The following DNAH11 variants were observed in gnomAD, a reference collection of about 807,000 sequenced individuals.
DNAH11 encodes axonemal beta dynein heavy chain 11.
A neutral mutation model predicts 526.0 loss-of-function variants in DNAH11; 442 were observed. That is an observed-to-expected ratio of 0.84 (90% CI 0.78 to 0.91). The LOEUF is 0.91. Ranked by LOEUF, DNAH11 falls within the 40% of genes least tolerant of loss-of-function variation. The pLI is 0.00. For missense variants in DNAH11, 6,989 were observed against 5,448.7 expected (o/e 1.28, Z -8.90); for synonymous variants, 2,461 against 1,935.9 (o/e 1.27, Z -7.12).
In DNAH11 at chr7:21,735,625, T is replaced by C. The variant is rs768531745; in HGVS notation, c.7441-15T>C. 1 of 1,562,516 alleles carries C rather than the reference T, an allele frequency of 6.4e-7. No individual in the cohort carries two copies. The highest frequency in any genetic ancestry group is 8.7e-7 in the Non-Finnish European group (1 of 1,151,856). Reference sequence around the variant, plus strand: ...TCTCTTTCTGATCTTTGTCTCATTCTGTTTCTCCTCCCAGACAGTTCTCGT... The same window carrying C: ...TCTCTTTCTGATCTTTGTCTCATTCCGTTTCTCCTCCCAGACAGTTCTCGT... On this transcript the variant is annotated splice_polypyrimidine_tract_variant and intron_variant, in intron 45 of 81. Coordinates refer to ENST00000409508, the MANE Select transcript of DNAH11 (RefSeq NM_001277115.2).
intron 36 of DNAH11, among the ~76,000 whole-genome samples, chr7:21,699,396 C>T (rs1328368572): frequency 6.6e-6 from 1 of 152,068 alleles, no homozygotes; most frequent in African/African-American, 2.4e-5. Context: ...AAAATTCAGC[C>T]ATATGATCAT....
intron 81 of DNAH11, among the ~76,000 whole-genome samples, chr7:21,900,735 T>C (rs543332203): frequency 1.4e-3 from 185 of 136,110 alleles, no homozygotes; most frequent in African/African-American, 4.4e-3. Flanking sequence ...GTTCAGTGTA[T>C]GTGAATTCTC....
intron 68 of DNAH11, among the ~76,000 whole-genome samples, chr7:21,859,082 G>C (rs546551654): frequency 6.6e-6 from 1 of 152,022 alleles, no homozygotes; most frequent in Non-Finnish European, 1.5e-5. Flanking sequence ...ATGTGTATAA[G>C]GTGTCTATGA....
At chr7:21,615,606 A>G (rs1170970207) in intron 21 of DNAH11, among the ~76,000 whole-genome samples, 1 of 151,956 alleles carries the variant, frequency 6.6e-6, no homozygotes, top group East Asian at 1.9e-4. Context: ...ATACCAACTC[A>G]TACATATTCC....
chr7:21,710,534 C>G lies in DNAH11; in HGVS notation c.6684-19C>G. ...ATCTATCGTAGAAATAAACAGCACT[C>G]AACTACATTATATATTAGGATTGTT... On this transcript the variant is annotated intron_variant, in intron 40 of 81. Coordinates refer to ENST00000409508, the MANE Select transcript of DNAH11 (RefSeq NM_001277115.2). 6.3e-7 allele frequency: 1 copy of G among 1,576,810 alleles called. No homozygotes were observed. The highest frequency in any genetic ancestry group is 8.6e-7 in the Non-Finnish European group (1 of 1,156,324).
At chr7:21,648,566 G>C (rs1389117491) in intron 28 of DNAH11, among the ~76,000 whole-genome samples, 2 of 152,166 alleles carry the variant, frequency 1.3e-5, no homozygotes, top group South Asian at 4.1e-4. Context: ...AGAAGCCACC[G>C]ATCACCAGCA....
chr7:21,620,072 C>G lies in DNAH11; in HGVS notation c.4494C>G (p.His1498Gln). ...AACAACTTTTTGAAACTCTAGAGCA[C>G]AACCAAGTAAGATGGATATTTTTAT... ...SDEQLFETLE[H>Q]NQVQLQTLLQ... Residue 1498 changes from histidine (H) to glutamine (Q), a missense_variant, in exon 25 of 82, where the codon CAC (histidine) becomes CAG (glutamine). His to Gln is a conservative substitution (Grantham distance 24). Transcript: ENST00000409508. The G allele has an allele frequency of 6.3e-7, 1 of 1,582,472 alleles. No individual in the cohort carries two copies. Among genetic ancestry groups the G allele is most frequent in the South Asian group, 1.2e-5 (1 of 83,352 alleles).
chr7:21,807,987 T>C lies in DNAH11; in HGVS notation c.10270T>C (p.Phe3424Leu). 6.3e-7 allele frequency: 1 copy of C among 1,596,702 alleles called. No individual in the cohort carries two copies. Among genetic ancestry groups the C allele is most frequent in the African/African-American group, 1.3e-5 (1 of 74,868 alleles). The change falls in exon 63 of 82, where the codon TTC becomes CTC. Residue 3424 changes from phenylalanine (F) to leucine (L), a missense_variant. Coordinates refer to ENST00000409508, the MANE Select transcript of DNAH11 (RefSeq NM_001277115.2). ...GGCATTTGTGTCTTACGTCGGACCC[T>C]TCACAAGGCAGTATCGCCAGGAGCT... ...TAAFVSYVGPFTRQYRQELVH... is the reference protein window; with the variant it reads ...TAAFVSYVGPLTRQYRQELVH...
chr7:21,659,670 C>T (rs1423773375), intron 30 of DNAH11, among the ~76,000 whole-genome samples: 1 of 151,954 alleles, frequency 6.6e-6, no homozygotes. Context: ...AATCTGAATC[C>T]ATAAATATGA....
chr7:21,772,183 A>G (rs1787465048), intron 55 of DNAH11, among the ~76,000 whole-genome samples: 1 of 152,134 alleles, frequency 6.6e-6, no homozygotes, highest in Non-Finnish European at 1.5e-5. Context: ...ATTTTGCCCC[A>G]TTGAGACAAG....
intron 56 of DNAH11, among the ~76,000 whole-genome samples, chr7:21,776,809 G>T (rs1341568852): frequency 6.6e-6 from 1 of 152,134 alleles, no homozygotes; most frequent in Non-Finnish European, 1.5e-5. Context: ...GCATAGTACA[G>T]ACAGGTCCCT....
At chr7:21,649,406 A>C (rs903957161) in intron 28 of DNAH11, among the ~76,000 whole-genome samples, 1 of 152,170 alleles carries the variant, frequency 6.6e-6, no homozygotes, top group Non-Finnish European at 1.5e-5. Context: ...TAACAGTGGG[A>C]TGGCTAAATA....
chr7:21,767,406 T>G (rs1787227672), intron 55 of DNAH11, among the ~76,000 whole-genome samples: 1 of 152,172 alleles, frequency 6.6e-6, no homozygotes, highest in African/African-American at 2.4e-5. Context: ...CCTGTCCAGG[T>G]GGGTGCCACT....
At chr7:21,734,381 A>G (rs1785514680) in intron 45 of DNAH11, among the ~76,000 whole-genome samples, 1 of 152,226 alleles carries the variant, frequency 6.6e-6, no homozygotes, top group African/African-American at 2.4e-5. Flanking sequence ...AAAGCAAATG[A>G]TGACAACTAG....
At chr7:21,551,868 A>T (rs199628003) in intron 2 of DNAH11, among the ~76,000 whole-genome samples, 2 of 151,938 alleles carry the variant, frequency 1.3e-5, no homozygotes, top group Non-Finnish European at 2.9e-5. Flanking sequence ...TGAGCAAATA[A>T]TTTTTTTAAC....
At chr7:21,564,809 A>G (rs1783596427) in intron 6 of DNAH11, among the ~76,000 whole-genome samples, 1 of 152,108 alleles carries the variant, frequency 6.6e-6, no homozygotes. Flanking sequence ...AAGTAGTAGA[A>G]TTGTATTGAA....
intron 54 of DNAH11, among the ~76,000 whole-genome samples, chr7:21,763,942 G>A (rs1433529769): frequency 1.3e-5 from 2 of 151,800 alleles, no homozygotes; most frequent in East Asian, 3.9e-4. Context: ...GTCACAGAAG[G>A]ACAATTACTA....
At chr7:21,608,421 C>T (rs1224021760) in intron 20 of DNAH11, among the ~76,000 whole-genome samples, 1 of 152,166 alleles carries the variant, frequency 6.6e-6, no homozygotes, top group African/African-American at 2.4e-5. Context: ...TCTAGCCTGT[C>T]ACCCTGATTT....
chr7:21,736,150 A>C (rs547394633), intron 46 of DNAH11, among the ~76,000 whole-genome samples: 6 of 152,340 alleles, frequency 3.9e-5, no homozygotes, highest in African/African-American at 1.2e-4. Flanking sequence ...AGTCTTACCA[A>C]TATAAGGGTA....
Sources: allele counts gnomAD v4.1 joint callset (sites outside exome capture counted in the v4.1 genomes callset), GRCh38; gene constraint gnomAD v4.1.1; transcripts MANE v1.5; gene names NCBI Gene and HGNC (gene_info 2026-07-23, HGNC 2026-07-21).